GLS: variants seen among roughly 807,000 people sequenced by gnomAD.
GLS encodes the protein glutaminase, also known as glutaminase kidney isoform, mitochondrial.
A neutral mutation model predicts 86.7 loss-of-function variants in GLS; 36 were observed. That is an observed-to-expected ratio of 0.42 (90% CI 0.32 to 0.55). The LOEUF (loss-of-function observed/expected upper bound fraction) is 0.55. Ranked by LOEUF, GLS falls within the 20% of genes least tolerant of loss-of-function variation. The pLI is 0.17. For synonymous variants in GLS, 317 were observed against 305.9 expected (o/e 1.04, Z -0.38); for missense variants, 528 against 833.4 (o/e 0.63, Z 4.51).
At chr2:190,902,377 C>G (rs1230625375) in intron 5 of GLS, among the ~76,000 whole-genome samples, 3 of 152,154 alleles carry the variant, frequency 2.0e-5, no homozygotes, top group Non-Finnish European at 2.9e-5. Flanking sequence ...CTCAACTTAA[C>G]ATTGGTAACC....
At chr2:190,900,123 G>C (rs1268126020) in intron 3 of GLS, among the ~76,000 whole-genome samples, 5 of 152,198 alleles carry the variant, frequency 3.3e-5, no homozygotes, top group East Asian at 1.9e-4. Flanking sequence ...TTTAATTTTT[G>C]AATGAAATGC....
At chr2:190,933,713 A>G in intron 14 of GLS, 1 of 876,936 alleles carries the variant, frequency 1.1e-6, no homozygotes, top group South Asian at 5.2e-5. Flanking sequence ...TTTCTATGTT[A>G]TATTTAAATA....
At chr2:190,900,032 C>G (rs1454022004) in intron 3 of GLS, among the ~76,000 whole-genome samples, 3 of 51,566 alleles carry the variant, frequency 5.8e-5, no homozygotes, top group Admixed American at 1.9e-4. Flanking sequence ...AGCATATCAA[C>G]AGACATTTCA....
chr2:190,922,653 A>G (rs1689778521), intron 9 of GLS, among the ~76,000 whole-genome samples: 1 of 152,094 alleles, frequency 6.6e-6, no homozygotes, highest in Non-Finnish European at 1.5e-5. Context: ...TGTGTCAGTC[A>G]CTGTGATAAC....
Position 190,897,382 on chromosome 2 carries a change from T to G in GLS, c.605+1657T>G, listed in dbSNP as rs1281721659. ...TTAAAAACAATTTAAATCCTCTGATTATTAAGCCAGGGAACTGCAAACATT... is the reference window on the plus strand; with the variant it reads ...TTAAAAACAATTTAAATCCTCTGATGATTAAGCCAGGGAACTGCAAACATT... On this transcript the variant is annotated intron_variant, in intron 3 of 17. Coordinates refer to ENST00000320717, the MANE Select transcript of GLS (RefSeq NM_014905.5). This position sits in a 1 kb window ranked among gnomAD's most constrained non-coding sequence, Gnocchi z 4.3. Among the ~76,000 whole-genome samples the G allele has an allele frequency of 6.6e-6, 1 of 152,222 alleles. No homozygotes were observed. The highest frequency in any genetic ancestry group is 1.5e-5 in the Non-Finnish European group (1 of 68,026).
chr2:190,895,115 T>C lies in GLS; in HGVS notation c.387-37T>C, dbSNP rs1289010914. The C allele has an allele frequency of 2.3e-6, 2 of 865,888 alleles. No homozygotes were observed. The highest frequency in any genetic ancestry group is 3.9e-6 in the Non-Finnish European group (2 of 515,088). The allele number at this position is 865,888 out of a possible 1,614,324, so 53.6% of individuals were successfully genotyped here. A position where few individuals can be genotyped will look rare whatever the true frequency, so the allele number is the denominator to read the frequency against. ...AGTTAAAAATCCAGTAGAATGTTCA[T>C]ACAAGGATTAATTTTGTGTTCTTTC... On this transcript the variant is annotated intron_variant, in intron 1 of 17. Coordinates refer to ENST00000320717, the MANE Select transcript of GLS (RefSeq NM_014905.5). This position sits in a 1 kb window ranked among gnomAD's most constrained non-coding sequence, Gnocchi z 4.2.
Position 190,881,317 on chromosome 2 carries a change from A to T in GLS, c.233A>T (p.Glu78Val). 6.6e-7 allele frequency: 1 copy of T among 1,514,318 alleles called. No individual in the cohort carries two copies. 93.8% of individuals were successfully genotyped at this position (1,514,318 alleles called of 1,614,324 possible). Residue 78 changes from glutamate (E) to valine (V), a missense_variant, in exon 1 of 18, where the codon GAG (glutamate) becomes GTG (valine). Around this residue, in one of 4 missense-constraint regions of GLS, gnomAD observed 224 missense variants for 187.9 expected, o/e 1.19. Coordinates refer to ENST00000320717, the MANE Select transcript of GLS (RefSeq NM_014905.5). The part of the protein sequence containing the change: ...LARGLSSSPS[E>V]ILQELGKGST... ...CGGGGCCTGTCCAGCTCTCCTTCGG[A>T]GATCTTGCAGGAGCTGGGCAAGGGG...
Position 190,962,860 on chromosome 2 carries a change from G to A in GLS, c.1884G>A (p.Leu628=), listed in dbSNP as rs778497256. 1.3e-6 allele frequency: 2 copies of A among 1,585,980 alleles called. No individual in the cohort carries two copies. The highest frequency in any genetic ancestry group is 1.7e-6 in the Non-Finnish European group (2 of 1,170,064). ...ATAACACTCCCATGGATGAAGCACTGCACTTTGGACACCATGATGTATTTA... is the reference window on the plus strand; with the variant it reads ...ATAACACTCCCATGGATGAAGCACTACACTTTGGACACCATGATGTATTTA... ...RWNNTPMDEA[L]HFGHHDVFKI... The change falls in exon 18 of 18, where the codon CTG becomes CTA. Residue 628 remains leucine (L), a synonymous_variant. Coordinates refer to ENST00000320717, the MANE Select transcript of GLS (RefSeq NM_014905.5). The surrounding 1 kb of genome is among the most constrained non-coding windows in gnomAD (Gnocchi z 4.2).
Position 190,905,903 on chromosome 2 carries a change from C to T in GLS, c.979+736C>T, listed in dbSNP as rs1191193691. On this transcript the variant is annotated intron_variant, in intron 6 of 17. Transcript: ENST00000320717. The surrounding 1 kb of genome is among the most constrained non-coding windows in gnomAD (Gnocchi z 4.6). Reference sequence around the variant, plus strand: ...GATATAGAATTGAAGAAAGTGAGAGCGAAGTTTGTAGTAATGGCTGTGAGA... The same window carrying T: ...GATATAGAATTGAAGAAAGTGAGAGTGAAGTTTGTAGTAATGGCTGTGAGA... Among the ~76,000 whole-genome samples the T allele has an allele frequency of 1.3e-5, 2 of 151,726 alleles. No homozygotes were observed. Among genetic ancestry groups the T allele is most frequent in the African/African-American group, 2.4e-5 (1 of 41,306 alleles).
At chr2:190,927,683 T>C (rs897127239) in intron 12 of GLS, 2 of 468,020 alleles carry the variant, frequency 4.3e-6, no homozygotes, top group Non-Finnish European at 7.6e-6. Context: ...GGAAGTTTGA[T>C]TTATAGAACC....
At chr2:190,901,747 T>A (rs1484766840) in intron 4 of GLS, among the ~76,000 whole-genome samples, 200 bp from the exon 5 acceptor site, 1 of 152,162 alleles carries the variant, frequency 6.6e-6, no homozygotes, top group African/African-American at 2.4e-5. Flanking sequence ...AAAGTCACTT[T>A]AGATCTCATA....
chr2:190,952,681 A>G (rs972086861), intron 14 of GLS, among the ~76,000 whole-genome samples: 18 of 152,212 alleles, frequency 1.2e-4, no homozygotes, highest in Admixed American at 3.3e-4. Flanking sequence ...GTTTTCTACC[A>G]TTGAGTCCAG....
At chr2:190,886,620 T>C (rs1013484806) in intron 1 of GLS, among the ~76,000 whole-genome samples, 36 of 152,256 alleles carry the variant, frequency 2.4e-4, no homozygotes, top group African/African-American at 8.2e-4. Context: ...TAAAAAGTTA[T>C]TTAAAAGAAA....
chr2:190,903,871 C>T (rs1291478389), intron 5 of GLS, among the ~76,000 whole-genome samples: 3 of 152,114 alleles, frequency 2.0e-5, no homozygotes, highest in Admixed American at 2.0e-4. Flanking sequence ...GAATGACTTT[C>T]ACTATGAATG....
chr2:190,952,881 TA>T, intron 14 of GLS, among the ~76,000 whole-genome samples: 1 of 152,324 alleles, frequency 6.6e-6, no homozygotes. Flanking sequence ...CTCTTAACTA[TA>T]AGAAAAGGAA....
chr2:190,950,738 G>C (rs902494460), intron 14 of GLS, among the ~76,000 whole-genome samples: 1 of 152,214 alleles, frequency 6.6e-6, no homozygotes, highest in Admixed American at 6.5e-5. Flanking sequence ...ACCTGCATAA[G>C]TGAATGCAGC....
At position 190,930,350 on chromosome 2, in the gene GLS, G is replaced by A. The variant is rs1197554330; in HGVS notation, c.1426-87G>A. On this transcript the variant is annotated intron_variant, in intron 12 of 17. Coordinates refer to ENST00000320717, the MANE Select transcript of GLS (RefSeq NM_014905.5). The surrounding 1 kb of genome is among the most constrained non-coding windows in gnomAD (Gnocchi z 5.0). ...TGAGATTACAGGAGTGAGCCATGGT[G>A]CCCAGCCCCAGTTTCCCTATTGTTG... 6.0e-6 allele frequency: 6 copies of A among 998,138 alleles called. No homozygotes were observed. The highest frequency in any genetic ancestry group is 9.4e-6 in the Non-Finnish European group (6 of 638,912). 61.8% of individuals were successfully genotyped at this position (998,138 alleles called of 1,614,324 possible).
At chr2:190,925,880 G>A (rs1267887273) in intron 11 of GLS, among the ~76,000 whole-genome samples, 1 of 152,122 alleles carries the variant, frequency 6.6e-6, no homozygotes, top group Non-Finnish European at 1.5e-5. Context: ...CACCTGCCTT[G>A]CCATATTATG....
In GLS at chr2:190,880,853, G is replaced by A. The variant is rs984495269; in HGVS notation, c.-232G>A. On this transcript the variant is annotated 5_prime_UTR_variant, in exon 1 of 18. Coordinates refer to ENST00000320717, the MANE Select transcript of GLS (RefSeq NM_014905.5). Reference sequence around the variant, plus strand: ...AGCCTTAGGCGGAGCGAAGAGAACCGGTCGCGGCAATCCTAGCGCGCAGCA... The same window carrying A: ...AGCCTTAGGCGGAGCGAAGAGAACCAGTCGCGGCAATCCTAGCGCGCAGCA... 7.0e-5 allele frequency: 57 copies of A among 816,594 alleles called. 5 individuals carry two copies. Among genetic ancestry groups the A allele is most frequent in the Non-Finnish European group, 8.5e-5 (43 of 504,942 alleles). The allele number at this position is 816,594 out of a possible 1,614,324, so 50.6% of individuals were successfully genotyped here. A position where few individuals can be genotyped will look rare whatever the true frequency, so the allele number is the denominator to read the frequency against.
Sources: allele counts gnomAD v4.1 joint callset (sites outside exome capture counted in the v4.1 genomes callset), GRCh38; gene constraint gnomAD v4.1.1; regional missense constraint gnomAD v4.1.1; non-coding constraint Gnocchi (gnomAD v3.1); transcripts MANE v1.5; gene names NCBI Gene and HGNC (gene_info 2026-07-23, HGNC 2026-07-21).